CEP128: variants seen among roughly 807,000 people sequenced by gnomAD.
CEP128 encodes centrosomal protein 128kDa.
CEP128 carries 132 observed loss-of-function variants against 156.7 expected under a neutral mutation model. That is an observed-to-expected ratio of 0.84 (90% CI 0.73 to 0.97). The LOEUF (loss-of-function observed/expected upper bound fraction) is 0.97, where lower values mean the gene tolerates loss of function less well. Among genes scored for constraint, CEP128 ranks in the 50% least tolerant of loss-of-function variants. The pLI is 0.00. For synonymous variants in CEP128, 469 were observed against 448.9 expected (o/e 1.04, Z -0.57); for missense variants, 1,252 against 1,281.9 (o/e 0.98, Z 0.36).
chr14:80,867,215 G>A (rs1382285324), intron 8 of CEP128, among the ~76,000 whole-genome samples: 1 of 152,140 alleles, frequency 6.6e-6, no homozygotes, highest in African/African-American at 2.4e-5. Flanking sequence ...CCTGATAACT[G>A]ACATGACTGC....
rs1170070855 is a variant in CEP128, at chr14:80,900,028, A to C, written c.482T>G (p.Leu161Arg). ...FVQETDDMTQ[L>R]HGFHQSLRDL... ...TCGAAGAGACTGATGAAAACCATGAAGCTAGCAAAGGCAAAACACAGTTAT... is the reference window on the plus strand; with the variant it reads ...TCGAAGAGACTGATGAAAACCATGACGCTAGCAAAGGCAAAACACAGTTAT... The change falls in exon 7 of 25, where the codon CTT becomes CGT. Residue 161 changes from leucine to arginine, a missense_variant and splice_region_variant. Physicochemically the swap from Leu to Arg is moderately radical, Grantham distance 102. Coordinates refer to ENST00000555265, the MANE Select transcript of CEP128 (RefSeq NM_152446.5). The C allele has an allele frequency of 2.5e-6, 4 of 1,605,634 alleles. No individual in the cohort carries two copies. Among genetic ancestry groups the C allele is most frequent in the Non-Finnish European group, 3.4e-6 (4 of 1,173,944 alleles).
rs113821009 is a variant in CEP128, at chr14:80,904,832, T to C, written c.461A>G (p.Glu154Gly). ...AAGTACCTGAGTCATATCATCAGTCTCTTGAACAAACCGGACACCAGTTCT... is the reference window on the plus strand; with the variant it reads ...AAGTACCTGAGTCATATCATCAGTCCCTTGAACAAACCGGACACCAGTTCT... Reference protein sequence around the residue: ...RSRTGVRFVQETDDMTQLHGF... With the variant: ...RSRTGVRFVQGTDDMTQLHGF... Residue 154 changes from glutamate (E) to glycine (G), a missense_variant, in exon 6 of 25, where the codon GAG becomes GGG. Transcript: ENST00000555265. 6.3e-7 allele frequency: 1 copy of C among 1,591,862 alleles called. No homozygotes were observed. Among genetic ancestry groups the C allele is most frequent in the Non-Finnish European group, 8.6e-7 (1 of 1,159,836 alleles).
chr14:80,666,462 G>A (rs1299690133), intron 19 of CEP128, among the ~76,000 whole-genome samples: 1 of 152,156 alleles, frequency 6.6e-6, no homozygotes, highest in Non-Finnish European at 1.5e-5. Context: ...CAGGCCTCTG[G>A]TCATGGGCCC....
In CEP128 at chr14:80,496,494, T is replaced by C. The variant is rs1348311663; in HGVS notation, c.*985A>G. ...CAAAATGTAATGCATATTACAAAGG[T>C]ATTGCTTTATTGCCCTTGTCTATGC... On this transcript the variant is annotated 3_prime_UTR_variant, in exon 25 of 25. Transcript: ENST00000555265. The C allele has an allele frequency of 6.6e-6, 1 of 152,584 alleles. No homozygotes were observed. The highest frequency in any genetic ancestry group is 1.5e-5 in the Non-Finnish European group (1 of 68,004). 9.5% of individuals were successfully genotyped at this position (152,584 alleles called of 1,614,324 possible).
In CEP128 at chr14:80,668,268, A is replaced by T. The variant is rs140121230; in HGVS notation, c.2806+74807T>A. 2.7e-3 allele frequency among the ~76,000 whole-genome samples: 418 copies of T among 152,346 alleles called. 2 individuals are homozygous for T. The highest frequency in any genetic ancestry group is 9.6e-3 in the African/African-American group (401 of 41,584). On this transcript the variant is annotated intron_variant, in intron 19 of 24. Transcript: ENST00000555265. ...TAGGCAGGATTCCACCAGAGCCTGT[A>T]AATTTATCTCTCTGAAAGAAGAAAG...
intron 9 of CEP128, among the ~76,000 whole-genome samples, chr14:80,856,305 T>C (rs1356072036): frequency 6.6e-6 from 1 of 152,078 alleles, no homozygotes; most frequent in Non-Finnish European, 1.5e-5. Context: ...CATAGAATAT[T>C]GTTGATACAG....
At chr14:80,602,290 G>C (rs1046631850) in intron 19 of CEP128, among the ~76,000 whole-genome samples, 1 of 152,104 alleles carries the variant, frequency 6.6e-6, no homozygotes, top group Non-Finnish European at 1.5e-5. Context: ...TTCAATATAG[G>C]ATAGAACAAA....
rs887744989 is a variant in CEP128, at chr14:80,497,154, T to C, written c.*325A>G. The C allele has an allele frequency of 1.7e-5, 3 of 174,362 alleles. No individual in the cohort carries two copies. The highest frequency in any genetic ancestry group is 4.7e-5 in the African/African-American group (2 of 42,236). The allele number at this position is 174,362 out of a possible 1,614,324, so 10.8% of individuals were successfully genotyped here. ...TTTAGCCAGTAATTTTTAAAAGGCC[T>C]CAATTAGAAATCCAAATTTTGGTTG... On this transcript the variant is annotated 3_prime_UTR_variant, in exon 25 of 25. Transcript: ENST00000555265.
chr14:80,754,296 T>C (rs1899531972), intron 18 of CEP128, among the ~76,000 whole-genome samples: 1 of 152,166 alleles, frequency 6.6e-6, no homozygotes, highest in Admixed American at 6.5e-5. Flanking sequence ...ACTTTGTTCT[T>C]TGCATGTTTG....
chr14:80,580,289 G>C, intron 20 of CEP128, 85 bp downstream of exon 20: 1 of 834,408 alleles, frequency 1.2e-6, no homozygotes, highest in Admixed American at 1.9e-5. Flanking sequence ...TGCTATACCA[G>C]TGTGAATGTG....
At position 80,723,480 on chromosome 14, in the gene CEP128, G is replaced by A. The variant is rs555455086; in HGVS notation, c.2806+19595C>T. On this transcript the variant is annotated intron_variant, in intron 19 of 24. Coordinates refer to ENST00000555265, the MANE Select transcript of CEP128 (RefSeq NM_152446.5). Reference sequence around the variant, plus strand: ...GAAGTTATTTGCCTCAAAAATAACAGTGTAGTACCCTTTTCAAAATGTCTT... The same window carrying A: ...GAAGTTATTTGCCTCAAAAATAACAATGTAGTACCCTTTTCAAAATGTCTT... Among the ~76,000 whole-genome samples the A allele has an allele frequency of 2.0e-5, 3 of 152,320 alleles. No homozygotes were observed. The South Asian group carries it at 6.2e-4, about 32-fold the overall frequency.
At chr14:80,497,936 T>C (rs1374950979) in intron 24 of CEP128, among the ~76,000 whole-genome samples, 1 of 152,210 alleles carries the variant, frequency 6.6e-6, no homozygotes, top group Non-Finnish European at 1.5e-5. Flanking sequence ...GGGCTCCTTT[T>C]TATGGAATCC....
At chr14:80,937,372 C>T (rs1885867842) in intron 2 of CEP128, among the ~76,000 whole-genome samples, 1 of 152,014 alleles carries the variant, frequency 6.6e-6, no homozygotes, top group Non-Finnish European at 1.5e-5. Context: ...ATTTCTATGA[C>T]TATTAACCTA....
chr14:80,824,419 T>C (rs1210841109), intron 13 of CEP128, among the ~76,000 whole-genome samples: 1 of 152,256 alleles, frequency 6.6e-6, no homozygotes, highest in Non-Finnish European at 1.5e-5. Flanking sequence ...ATTGTCAGGC[T>C]GCAAATTCTC....
chr14:80,591,369 A>G (rs754786740), intron 19 of CEP128, among the ~76,000 whole-genome samples: 4 of 152,176 alleles, frequency 2.6e-5, no homozygotes, highest in Non-Finnish European at 4.4e-5. Flanking sequence ...CTAGTCTCTG[A>G]TAAAATAGAC....
At chr14:80,706,352 T>C (rs1321093488) in intron 19 of CEP128, among the ~76,000 whole-genome samples, 1 of 152,106 alleles carries the variant, frequency 6.6e-6, no homozygotes, top group African/African-American at 2.4e-5. Context: ...ATTTACAATA[T>C]CACAATCAGG....
intron 9 of CEP128, among the ~76,000 whole-genome samples, chr14:80,843,407 G>A (rs2140092508): frequency 6.6e-6 from 1 of 152,152 alleles, no homozygotes; most frequent in South Asian, 2.1e-4. Context: ...ACAAGGGCAA[G>A]AACATGTAGA....
intron 19 of CEP128, among the ~76,000 whole-genome samples, chr14:80,587,540 C>T (rs529537932): frequency 3.3e-5 from 5 of 152,220 alleles, no homozygotes; most frequent in African/African-American, 1.2e-4. Context: ...AACCACTTGC[C>T]ACAAAACTGT....
chr14:80,876,185 AACAC>A (rs940206324), intron 8 of CEP128, among the ~76,000 whole-genome samples: 1 of 151,464 alleles, frequency 6.6e-6, no homozygotes, highest in Non-Finnish European at 1.5e-5. Flanking sequence ...AACAAGTCAA[AACAC>A]ACACACACAC....
Sources: allele counts gnomAD v4.1 joint callset (sites outside exome capture counted in the v4.1 genomes callset), GRCh38; gene constraint gnomAD v4.1.1; transcripts MANE v1.5; gene names NCBI Gene and HGNC (gene_info 2026-07-23, HGNC 2026-07-21).